MPPED1: variants seen among roughly 807,000 people sequenced by gnomAD.
MPPED1 encodes metallophosphoesterase domain containing 1.
Under a neutral mutation model 36.2 loss-of-function variants are expected in MPPED1, and 16 were observed. That is an observed-to-expected ratio of 0.44 (90% CI 0.30 to 0.67). The LOEUF (loss-of-function observed/expected upper bound fraction) is 0.67, where lower values mean the gene tolerates loss of function less well. MPPED1 is among the 30% of genes least tolerant of loss of function. MPPED1 has a pLI of 0.10. For missense variants in MPPED1, 307 were observed against 453.4 expected (o/e 0.68, Z 2.93); for synonymous variants, 199 against 191.3 (o/e 1.04, Z -0.33).
chr22:43,488,427 C>T (rs1436201682), intron 4 of MPPED1, among the ~76,000 whole-genome samples: 1 of 152,200 alleles, frequency 6.6e-6, no homozygotes, highest in Non-Finnish European at 1.5e-5. Flanking sequence ...CGAGTGTCTC[C>T]CCGCTTCCCT....
chr22:43,498,139 C>A, intron 4 of MPPED1, 96 bp from the exon 5 acceptor site: 1 of 939,786 alleles, frequency 1.1e-6, no homozygotes, highest in South Asian at 1.6e-5. Flanking sequence ...GCGAGCTGGT[C>A]CTGAGGGCCC....
chr22:43,473,447 C>T (rs1384243461), intron 3 of MPPED1, among the ~76,000 whole-genome samples: 1 of 152,204 alleles, frequency 6.6e-6, no homozygotes, highest in Non-Finnish European at 1.5e-5. Context: ...CTGTCTGGGT[C>T]CCCATCCACC....
At position 43,502,705 on chromosome 22, in the gene MPPED1, G is replaced by C. The variant is rs754672787; in HGVS notation, c.810G>C (p.Thr270=). ...TGGGCTGTGTGGAGCTGCTCAACACGGTGCAGAGGCGCGTCCAGCCGCGGT... is the reference window on the plus strand; with the variant it reads ...TGGGCTGTGTGGAGCTGCTCAACACCGTGCAGAGGCGCGTCCAGCCGCGGT... ...QRVGCVELLN[T]VQRRVQPRLH... Residue 270 remains threonine (T), a synonymous_variant, in exon 6 of 7, where the codon ACG becomes ACC. Transcript: ENST00000443721. The surrounding 1 kb of genome is among the most constrained non-coding windows in gnomAD (Gnocchi z 5.5). 6.8e-6 allele frequency: 11 copies of C among 1,613,304 alleles called. No homozygotes were observed. The highest frequency in any genetic ancestry group is 9.3e-6 in the Non-Finnish European group (11 of 1,179,856).
intron 1 of MPPED1, among the ~76,000 whole-genome samples, chr22:43,413,578 T>C (rs1484649191): frequency 6.6e-6 from 1 of 152,112 alleles, no homozygotes; most frequent in African/African-American, 2.4e-5. Flanking sequence ...GCGTTTGAGC[T>C]TGTGGTGCTA....
chr22:43,495,285 A>AGGT (rs1333487510), intron 4 of MPPED1, among the ~76,000 whole-genome samples: 2 of 86,470 alleles, frequency 2.3e-5, no homozygotes, highest in Admixed American at 1.1e-4. Context: ...GTGGTGATGG[A>AGGT]GGTGGTGATG....
intron 3 of MPPED1, among the ~76,000 whole-genome samples, chr22:43,473,739 C>T (rs868856417): frequency 1.5e-4 from 23 of 152,060 alleles, no homozygotes; most frequent in African/African-American, 4.6e-4. Flanking sequence ...TTACTGAGAC[C>T]GAACAGCTGT....
intron 3 of MPPED1, among the ~76,000 whole-genome samples, chr22:43,465,230 G>GCCTTGAAGTCATGGA (rs1931124688): frequency 6.6e-6 from 1 of 152,234 alleles, no homozygotes; most frequent in Non-Finnish European, 1.5e-5. Flanking sequence ...CGTGGCATGG[G>GCCTTGAAGTCATGGA]CCTTGAAGTC....
intron 4 of MPPED1, among the ~76,000 whole-genome samples, chr22:43,487,036 A>G (rs903633357): frequency 2.5e-4 from 38 of 152,124 alleles, no homozygotes; most frequent in African/African-American, 8.9e-4. Flanking sequence ...GCTAGTGTGT[A>G]GTTCCTCCCA....
At chr22:43,425,782 C>T (rs143017585) in intron 2 of MPPED1, among the ~76,000 whole-genome samples, 1 of 152,364 alleles carries the variant, frequency 6.6e-6, no homozygotes, top group Non-Finnish European at 1.5e-5. Flanking sequence ...CTTGTGAAAG[C>T]AGAGATGCTT....
At chr22:43,448,389 G>A (rs764526374) in intron 3 of MPPED1, among the ~76,000 whole-genome samples, 10 of 152,130 alleles carry the variant, frequency 6.6e-5, no homozygotes, top group Admixed American at 6.5e-5. Context: ...GAAATTAAAT[G>A]TCCACAGGGA....
rs570628377 is a variant in MPPED1, at chr22:43,479,013, G to C, written c.632+4052G>C. 6.6e-5 allele frequency among the ~76,000 whole-genome samples: 10 copies of C among 152,272 alleles called. No individual in the cohort carries two copies. The South Asian group carries it at 1.9e-3, about 28-fold the overall frequency. On this transcript the variant is annotated intron_variant, in intron 4 of 6. Transcript: ENST00000443721. ...AACCAGCCCCTAAAACTGTATTCAC[G>C]GCTGAAGAACCCGCCGGCCTGGCTG...
In MPPED1 at chr22:43,479,146, C is replaced by A. The variant is rs148440656; in HGVS notation, c.632+4185C>A. Among the ~76,000 whole-genome samples, 71 of 152,286 alleles carry A rather than the reference C, an allele frequency of 4.7e-4. No individual in the cohort carries two copies. In the East Asian group the frequency reaches 0.013, roughly 27 times the overall value. On this transcript the variant is annotated intron_variant, in intron 4 of 6. Coordinates refer to ENST00000443721, the MANE Select transcript of MPPED1 (RefSeq NM_001044370.2). ...CTCCACTCCCCTGGCGCCGGCCACC[C>A]GGGCATATGGCAGCTCATTCGGGGG...
intron 2 of MPPED1, among the ~76,000 whole-genome samples, chr22:43,430,749 G>A (rs942942140): frequency 5.3e-5 from 8 of 151,888 alleles, no homozygotes; most frequent in Non-Finnish European, 1.2e-4. Context: ...TTTTTGGGGG[G>A]GAGTCACAAA....
intron 5 of MPPED1, among the ~76,000 whole-genome samples, chr22:43,501,832 C>T (rs376663533): frequency 7.9e-5 from 12 of 152,122 alleles, no homozygotes; most frequent in African/African-American, 2.7e-4. Flanking sequence ...TCCCCCTCCT[C>T]CTCCTCCCTC....
intron 1 of MPPED1, chr22:43,416,307 A>G (rs1252575840): frequency 6.6e-6 from 1 of 152,226 alleles, no homozygotes; most frequent in African/African-American, 2.4e-5. Flanking sequence ...CCATCACAAA[A>G]CATACACTTG....
Position 43,474,279 on chromosome 22 carries a change from G to A in MPPED1, c.407-457G>A, listed in dbSNP as rs894186787. Among the ~76,000 whole-genome samples, 2 of 152,338 alleles carry A rather than the reference G, an allele frequency of 1.3e-5. No homozygotes were observed. The highest frequency in any genetic ancestry group is 6.5e-5 in the Admixed American group (1 of 15,312). On this transcript the variant is annotated intron_variant, in intron 3 of 6. Coordinates refer to ENST00000443721, the MANE Select transcript of MPPED1 (RefSeq NM_001044370.2). This position sits in a 1 kb window ranked among gnomAD's most constrained non-coding sequence, Gnocchi z 5.2. Reference sequence around the variant, plus strand: ...CTGAGGCAGAGAAGTCCCAGGATGAGGCCAGGCACTCTGCAGCTCAGCAGC... The same window carrying A: ...CTGAGGCAGAGAAGTCCCAGGATGAAGCCAGGCACTCTGCAGCTCAGCAGC...
At chr22:43,436,345 C>T (rs183100749) in intron 3 of MPPED1, among the ~76,000 whole-genome samples, 146 of 152,312 alleles carry the variant, frequency 9.6e-4, no homozygotes, top group Non-Finnish European at 1.8e-3. Context: ...TCCCCAGGGG[C>T]GTCCCGCTGT....
intron 4 of MPPED1, among the ~76,000 whole-genome samples, chr22:43,476,644 G>A (rs919575690): frequency 6.6e-6 from 1 of 152,152 alleles, no homozygotes; most frequent in Non-Finnish European, 1.5e-5. Context: ...GAGCAGAGGG[G>A]AAGGTGGGGA....
At chr22:43,475,627 G>A (rs1310119657) in intron 4 of MPPED1, among the ~76,000 whole-genome samples, 8 of 120,520 alleles carry the variant, frequency 6.6e-5, no homozygotes, top group Admixed American at 6.4e-4. Context: ...TGGTGATGAT[G>A]GTGGTGATGA....
Sources: allele counts gnomAD v4.1 joint callset (sites outside exome capture counted in the v4.1 genomes callset), GRCh38; gene constraint gnomAD v4.1.1; non-coding constraint Gnocchi (gnomAD v3.1); transcripts MANE v1.5; gene names NCBI Gene and HGNC (gene_info 2026-07-23, HGNC 2026-07-21).